Variants in EP300 observed in about 807,000 individuals in gnomAD.
EP300 encodes the protein histone acetyltransferase p300.
EP300 carries 31 observed loss-of-function variants against 264.0 expected under a neutral mutation model. The observed-to-expected ratio is 0.12, with a 90% CI of 0.09 to 0.16. The LOEUF is 0.16. Ranked by LOEUF, EP300 falls within the 10% of genes least tolerant of loss-of-function variation. EP300 has a pLI of 1.00. For synonymous variants in EP300, 1,340 were observed against 1,045.4 expected, an observed-to-expected ratio of 1.28 and a Z score of -5.44; for missense variants, 2,766 against 3,052.9, an observed-to-expected ratio of 0.91 and a Z score of 2.21.
chr22:41,112,063 AT>A (rs1256749287), intron 1 of EP300, among the ~76,000 whole-genome samples: 18 of 142,858 alleles, frequency 1.3e-4, no homozygotes, highest in Admixed American at 9.0e-4. Context: ...AATTTTTTGT[AT>A]TTTTTAGTAG....
intron 19 of EP300, chr22:41,159,918 AC>A (rs1411124554): frequency 6.6e-6 from 1 of 151,000 alleles, no homozygotes; most frequent in Non-Finnish European, 1.5e-5. Context: ...CAGATGATCC[AC>A]CCTCTCAGCC....
At chr22:41,108,713 A>G (rs540582930) in intron 1 of EP300, among the ~76,000 whole-genome samples, 4 of 152,362 alleles carry the variant, frequency 2.6e-5, no homozygotes, top group African/African-American at 4.8e-5. Flanking sequence ...TTGGAGCATC[A>G]TTAAAGGCAT....
rs766627654 is a variant in EP300 at position 41,179,896 on chromosome 22, A to T, written c.*940A>T. ...ACCCCCCACTCACACACACACACAC[A>T]CACACACACACACACACACACACAC... is the stretch of plus-strand genomic sequence containing the variant. On this transcript the variant is annotated 3_prime_UTR_variant, in exon 31 of 31. Coordinates refer to ENST00000263253, the MANE Select transcript of EP300 (RefSeq NM_001429.4). The T allele has an allele frequency of 2.6e-4, 44 of 170,632 alleles. 1 individual carries two copies. The highest frequency in any genetic ancestry group is 8.4e-4 in the African/African-American group (35 of 41,818). 10.6% of individuals were successfully genotyped at this position (170,632 alleles called of 1,614,324 possible). A position where few individuals can be genotyped will look rare whatever the true frequency, so the allele number is the denominator to read the frequency against.
intron 1 of EP300, among the ~76,000 whole-genome samples, chr22:41,109,130 G>A (rs1049486318): frequency 6.6e-6 from 1 of 151,912 alleles, no homozygotes; most frequent in African/African-American, 2.4e-5. Flanking sequence ...AAAATTAGGT[G>A]TGGTGATGTG....
At chr22:41,134,402 G>C (rs544902723) in intron 6 of EP300, among the ~76,000 whole-genome samples, 1 of 152,000 alleles carries the variant, frequency 6.6e-6, no homozygotes, top group Non-Finnish European at 1.5e-5. Flanking sequence ...CACTGTGTGT[G>C]TATGTGTGTG....
chr22:41,147,864 T>C lies in EP300; in HGVS notation c.2159T>C (p.Met720Thr). 1 of 1,614,182 alleles carries C rather than the reference T, an allele frequency of 6.2e-7. No homozygotes were observed. The highest frequency in any genetic ancestry group is 8.5e-7 in the Non-Finnish European group (1 of 1,180,016). ...SGLNQFGQMS[M>T]AQPPIVPRQT... Reference sequence around the variant, plus strand: ...TTGAATCAATTTGGCCAGATGAGCATGGCCCAGCCCCCTATTGTACCCCGG... The same window carrying C: ...TTGAATCAATTTGGCCAGATGAGCACGGCCCAGCCCCCTATTGTACCCCGG... Residue 720 changes from methionine (M) to threonine (T), a missense_variant, in exon 12 of 31, where the codon ATG becomes ACG. Transcript: ENST00000263253.
chr22:41,148,808 T>G, intron 12 of EP300: 1 of 575,718 alleles, frequency 1.7e-6, no homozygotes, highest in Non-Finnish European at 3.1e-6. Context: ...TCTTACTATT[T>G]CTTGGAGTAG....
In EP300 at chr22:41,169,586, T is replaced by C. The variant is rs1278019392; in HGVS notation, c.4256T>C (p.Ile1419Thr). The C allele has an allele frequency of 3.7e-6, 6 of 1,607,422 alleles. No individual in the cohort carries two copies. The highest frequency in any genetic ancestry group is 2.2e-5 in the East Asian group (1 of 44,866). ...LRTAVYHEIL[I>T]GYLEYVKKLG... ...ACTGCAGTCTATCATGAAATCCTAATTGGATATTTAGAATATGTCAAGAAA... is the reference window on the plus strand; with the variant it reads ...ACTGCAGTCTATCATGAAATCCTAACTGGATATTTAGAATATGTCAAGAAA... Residue 1419 changes from isoleucine to threonine, a missense_variant, in exon 26 of 31, where the codon ATT becomes ACT. Transcript: ENST00000263253.
chr22:41,098,173 A>T (rs2058712333), intron 1 of EP300, among the ~76,000 whole-genome samples: 1 of 152,080 alleles, frequency 6.6e-6, no homozygotes. Context: ...ATTTTTTAAC[A>T]TTGAACTTCG....
chr22:41,176,098 T>C lies in EP300; in HGVS notation c.4780-149T>C, dbSNP rs924331754. 42 of 850,252 alleles carry C rather than the reference T, an allele frequency of 4.9e-5. No homozygotes were observed. In the South Asian group the frequency reaches 6.6e-4, roughly 13 times the overall value. The allele number at this position is 850,252 out of a possible 1,614,324, so 52.7% of individuals were successfully genotyped here. ...AGCCAGGTGTGGTGGTGTGGGCCTG[T>C]GGTCTCAGCTATTCAGGAGGCCATG... On this transcript the variant is annotated intron_variant, in intron 29 of 30. Coordinates refer to ENST00000263253, the MANE Select transcript of EP300 (RefSeq NM_001429.4).
intron 28 of EP300, among the ~76,000 whole-genome samples, 179 bp from the exon 29 acceptor site, chr22:41,173,444 A>G (rs2059182238): frequency 6.6e-6 from 1 of 152,234 alleles, no homozygotes. Context: ...GATCACTGGG[A>G]GAAAATTAGG....
intron 1 of EP300, among the ~76,000 whole-genome samples, chr22:41,095,929 C>T (rs754080439): frequency 2.0e-5 from 3 of 152,152 alleles, no homozygotes; most frequent in Non-Finnish European, 2.9e-5. Flanking sequence ...CTCTGAATTG[C>T]TGTTTAATAC....
chr22:41,098,984 G>C (rs1028247920), intron 1 of EP300, among the ~76,000 whole-genome samples: 5 of 152,156 alleles, frequency 3.3e-5, no homozygotes, highest in African/African-American at 9.7e-5. Context: ...CTTCTGTGTA[G>C]TATGTGTTCA....
At chr22:41,146,112 A>G (rs1170015986) in intron 10 of EP300, among the ~76,000 whole-genome samples, 3 of 151,894 alleles carry the variant, frequency 2.0e-5, no homozygotes, top group African/African-American at 2.4e-5. Flanking sequence ...TTGCATGCCA[A>G]CCAGACTCAG....
chr22:41,177,817 G>A lies in EP300; in HGVS notation c.6106G>A (p.Val2036Ile). 1.2e-6 allele frequency: 2 copies of A among 1,614,090 alleles called. No homozygotes were observed. Among genetic ancestry groups the A allele is most frequent in the African/African-American group, 1.3e-5 (1 of 75,034 alleles). Residue 2036 changes from valine (V) to isoleucine (I), a missense_variant, in exon 31 of 31, where the codon GTA becomes ATA. Physicochemically the swap from Val to Ile is conservative, Grantham distance 29. Transcript: ENST00000263253. ...GGCTCCACAACCAGGATTGGGCCAG[G>A]TAGGTATCAGCCCACTCAAACCAGG... ...NMAPQPGLGQVGISPLKPGTV... is the reference protein window; with the variant it reads ...NMAPQPGLGQIGISPLKPGTV...
chr22:41,148,997 A>C, intron 12 of EP300, 41 bp from the exon 13 acceptor site: 1 of 1,612,804 alleles, frequency 6.2e-7, no homozygotes, highest in Non-Finnish European at 8.5e-7. Context: ...GAATAACTAT[A>C]ATGAAGCAGT....
At position 41,158,318 on chromosome 22, in the gene EP300, G is replaced by C. The variant is rs1393948165; in HGVS notation, c.3502-94G>C. On this transcript the variant is annotated intron_variant, in intron 18 of 30. Transcript: ENST00000263253. ...CATTATTAACATAAATGAGAACTAAGACACCACTGACTTCTGTTTCTGACT... is the reference window on the plus strand; with the variant it reads ...CATTATTAACATAAATGAGAACTAACACACCACTGACTTCTGTTTCTGACT... 4 of 909,470 alleles carry C rather than the reference G, an allele frequency of 4.4e-6. No individual in the cohort carries two copies. In the Admixed American group the frequency reaches 5.9e-5, roughly 13 times the overall value. The allele number at this position is 909,470 out of a possible 1,614,324, so 56.3% of individuals were successfully genotyped here.
In EP300 at chr22:41,168,509, G is replaced by T; in HGVS notation, c.3935G>T (p.Arg1312Leu). The change falls in exon 24 of 31, where the codon CGA (arginine) becomes CTA (leucine). Residue 1312 changes from arginine (R) to leucine (L), a missense_variant. Transcript: ENST00000263253. Reference protein sequence around the residue: ...LENRVNDFLRRQNHPESGEVT... With the variant: ...LENRVNDFLRLQNHPESGEVT... ...AATCGTGTGAATGACTTTCTGAGGC[G>T]ACAGAATCACCCTGAGTCAGGAGAG... 1 of 1,614,164 alleles carries T rather than the reference G, an allele frequency of 6.2e-7. No individual in the cohort carries two copies. Among genetic ancestry groups the T allele is most frequent in the Non-Finnish European group, 8.5e-7 (1 of 1,180,026 alleles).
intron 4 of EP300, among the ~76,000 whole-genome samples, chr22:41,128,197 G>A (rs1466514916): frequency 6.6e-6 from 1 of 152,052 alleles, no homozygotes; most frequent in African/African-American, 2.4e-5. Context: ...GCTCATGCCT[G>A]TCATCCCAGC....
Sources: allele counts gnomAD v4.1 joint callset (sites outside exome capture counted in the v4.1 genomes callset), GRCh38; gene constraint gnomAD v4.1.1; transcripts MANE v1.5; gene names NCBI Gene and HGNC (gene_info 2026-07-23, HGNC 2026-07-21).